The following KIF6 variants were observed in gnomAD, a reference collection of about 807,000 sequenced individuals.
The protein encoded by KIF6 is kinesin-like protein KIF6.
A neutral mutation model predicts 112.7 loss-of-function variants in KIF6; 106 were observed. That is an observed-to-expected ratio of 0.94 (90% CI 0.80 to 1.11). The LOEUF (loss-of-function observed/expected upper bound fraction) is 1.11, where lower values mean the gene tolerates loss of function less well. Among genes scored for constraint, KIF6 ranks in the 50% least tolerant of loss-of-function variants. The pLI, the probability that KIF6 is intolerant of heterozygous loss-of-function variation, is 0.00. For missense variants in KIF6, 929 were observed against 964.0 expected (o/e 0.96, Z 0.48); for synonymous variants, 339 against 339.9 (o/e 1.00, Z 0.03).
chr6:39,343,722 A>T lies in KIF6; in HGVS notation c.2415T>A (p.Ile805=). ...AGGTGCACTTACATTGCTTCTGCAG[A>T]ATGCTCTGTCTGGCCTTGATGAAGG... ...IIAFIKARQS[I]LQKQCLGSN is the part of the protein sequence containing the mutation. Residue 805 remains isoleucine (I), a synonymous_variant, in exon 22 of 23, where the codon ATT becomes ATA. Transcript: ENST00000287152. This position sits in a 1 kb window ranked among gnomAD's most constrained non-coding sequence, Gnocchi z 4.1. 6.2e-7 allele frequency: 1 copy of T among 1,609,074 alleles called. No individual in the cohort carries two copies. Among genetic ancestry groups the T allele is most frequent in the Non-Finnish European group, 8.5e-7 (1 of 1,177,880 alleles).
intron 13 of KIF6, among the ~76,000 whole-genome samples, chr6:39,491,777 T>C (rs934060470): frequency 3.9e-5 from 6 of 152,136 alleles, no homozygotes; most frequent in Non-Finnish European, 5.9e-5. Flanking sequence ...GGAAACTCTT[T>C]TTATGTAGTA....
intron 14 of KIF6, among the ~76,000 whole-genome samples, chr6:39,425,463 G>C (rs1055145433): frequency 2.0e-5 from 3 of 151,890 alleles, no homozygotes; most frequent in African/African-American, 7.3e-5. Context: ...AAAAATGCTA[G>C]TATTCCTTTC....
intron 22 of KIF6, among the ~76,000 whole-genome samples, chr6:39,336,928 C>CCCT (rs774290072): frequency 0.04 from 5,483 of 138,008 alleles, 154 homozygotes; most frequent in Non-Finnish European, 0.055. Flanking sequence ...TTCCCTTTCT[C>CCCT]TTCTTTCTTT....
intron 13 of KIF6, among the ~76,000 whole-genome samples, chr6:39,492,388 A>G (rs1775527146): frequency 6.6e-6 from 1 of 152,250 alleles, no homozygotes; most frequent in Non-Finnish European, 1.5e-5. Context: ...GAGATGGTAT[A>G]AAGTGTAACG....
At chr6:39,707,494 A>T (rs1032447843) in intron 3 of KIF6, among the ~76,000 whole-genome samples, 1 of 152,210 alleles carries the variant, frequency 6.6e-6, no homozygotes, top group Non-Finnish European at 1.5e-5. Flanking sequence ...CGCTCTGTGC[A>T]GATATATGAG....
At chr6:39,403,284 C>G (rs1170013373) in intron 15 of KIF6, among the ~76,000 whole-genome samples, 5 of 152,112 alleles carry the variant, frequency 3.3e-5, no homozygotes, top group Admixed American at 6.5e-5. Flanking sequence ...AGCAGGATCC[C>G]CAAGAGTTCT....
At chr6:39,629,532 T>G (rs1028977813) in intron 5 of KIF6, among the ~76,000 whole-genome samples, 6 of 152,118 alleles carry the variant, frequency 3.9e-5, no homozygotes, top group Non-Finnish European at 8.8e-5. Context: ...TTTCTTATTG[T>G]TGAGTTTTTA....
intron 5 of KIF6, among the ~76,000 whole-genome samples, chr6:39,630,657 C>G (rs757503560): frequency 6.6e-6 from 1 of 151,940 alleles, no homozygotes; most frequent in African/African-American, 2.4e-5. Flanking sequence ...TTCCCAATAA[C>G]TTTAATTTCT....
intron 10 of KIF6, among the ~76,000 whole-genome samples, chr6:39,575,883 C>T (rs985895243): frequency 1.3e-5 from 2 of 152,212 alleles, no homozygotes; most frequent in Non-Finnish European, 2.9e-5. Flanking sequence ...TCAAGTCCCA[C>T]CTCTCGGTCC....
In KIF6 at chr6:39,534,809, G is replaced by C. The variant is rs539489650; in HGVS notation, c.1645+5194C>G. Reference sequence around the variant, plus strand: ...AGGAAAAAATGTTAAGGGCAGCCAGGGAGAAAGGTTGGGTTACCCACAAAG... The same window carrying C: ...AGGAAAAAATGTTAAGGGCAGCCAGCGAGAAAGGTTGGGTTACCCACAAAG... On this transcript the variant is annotated intron_variant, in intron 13 of 22. Coordinates refer to ENST00000287152, the MANE Select transcript of KIF6 (RefSeq NM_145027.6). Among the ~76,000 whole-genome samples the C allele has an allele frequency of 1.5e-3, 221 of 151,406 alleles. 1 individual carries two copies. The highest frequency in any genetic ancestry group is 5.3e-3 in the African/African-American group (217 of 41,174).
At chr6:39,412,942 T>A (rs529840334) in intron 15 of KIF6, among the ~76,000 whole-genome samples, 12 of 149,242 alleles carry the variant, frequency 8.0e-5, no homozygotes, top group Non-Finnish European at 5.9e-5. Context: ...CTTCCTTAAA[T>A]CCTCTTCTAT....
In KIF6 at chr6:39,345,778, G is replaced by A. The variant is rs1581630353; in HGVS notation, c.2243C>T (p.Ala748Val). 1.9e-6 allele frequency: 3 copies of A among 1,613,686 alleles called. No individual in the cohort carries two copies. The East Asian group carries it at 6.7e-5, about 36-fold the overall frequency. Residue 748 changes from alanine (A) to valine (V), a missense_variant, in exon 21 of 23, where the codon GCC becomes GTC. Physicochemically the swap from Ala to Val is moderately conservative, Grantham distance 64. Transcript: ENST00000287152. ...GCAAGGCGAGGGCAGGATTTTCCTG[G>A]CATTCACATCACTGCAAAACACAAA... ...TGRFDVCDVN[A>V]RKILPSPCPS...
intron 13 of KIF6, among the ~76,000 whole-genome samples, chr6:39,504,226 C>T (rs1776307875): frequency 6.6e-6 from 1 of 152,192 alleles, no homozygotes; most frequent in Non-Finnish European, 1.5e-5. Context: ...AAATGTGATT[C>T]ATCAAATAAA....
At chr6:39,506,234 C>T (rs1479059476) in intron 13 of KIF6, among the ~76,000 whole-genome samples, 1 of 152,162 alleles carries the variant, frequency 6.6e-6, no homozygotes, top group Non-Finnish European at 1.5e-5. Context: ...CCATTATCCT[C>T]AGCAAACTAA....
At chr6:39,661,682 A>C (rs1195747545) in intron 3 of KIF6, among the ~76,000 whole-genome samples, 1 of 152,188 alleles carries the variant, frequency 6.6e-6, no homozygotes, top group Non-Finnish European at 1.5e-5. Context: ...AGAGAGGTAC[A>C]AGAAGGAACA....
At chr6:39,410,399 T>A (rs1436347992) in intron 15 of KIF6, among the ~76,000 whole-genome samples, 2 of 152,252 alleles carry the variant, frequency 1.3e-5, no homozygotes, top group African/African-American at 4.8e-5. Context: ...GTTGGTTATT[T>A]GAAAGAGATT....
chr6:39,653,844 G>A (rs903503293), intron 3 of KIF6, among the ~76,000 whole-genome samples: 2 of 152,140 alleles, frequency 1.3e-5, no homozygotes, highest in Non-Finnish European at 2.9e-5. Flanking sequence ...AGACTTCTCT[G>A]GGCATAAAGC....
chr6:39,352,391 A>G (rs894464649), intron 19 of KIF6, among the ~76,000 whole-genome samples: 2 of 152,222 alleles, frequency 1.3e-5, no homozygotes, highest in African/African-American at 4.8e-5. Flanking sequence ...CATACAGAAT[A>G]GTTTCACTGC....
intron 3 of KIF6, chr6:39,691,799 T>C (rs184025122): frequency 1.3e-5 from 2 of 152,360 alleles, no homozygotes; most frequent in East Asian, 3.9e-4. Context: ...ATAACTGCAC[T>C]GGTGCCTCAT....
Sources: allele counts gnomAD v4.1 joint callset (sites outside exome capture counted in the v4.1 genomes callset), GRCh38; gene constraint gnomAD v4.1.1; non-coding constraint Gnocchi (gnomAD v3.1); transcripts MANE v1.5; gene names NCBI Gene and HGNC (gene_info 2026-07-23, HGNC 2026-07-21).